SLC17A1: variants seen among roughly 807,000 people sequenced by gnomAD.
SLC17A1 encodes the protein sodium-dependent phosphate transport protein 1.
SLC17A1 carries 51 observed loss-of-function variants against 53.5 expected under a neutral mutation model. The ratio of observed to expected loss-of-function variants is 0.95; its 90% confidence interval spans 0.76 to 1.20. The LOEUF is 1.20. Ranked by LOEUF, SLC17A1 falls within the 50% of genes most tolerant of loss-of-function variation. The pLI, the probability that SLC17A1 is intolerant of heterozygous loss-of-function variation, is 0.00. For synonymous variants in SLC17A1, 179 were observed against 198.8 expected (o/e 0.90, Z 0.84); for missense variants, 538 against 568.2 (o/e 0.95, Z 0.54).
chr6:25,792,724 A>C (rs1183384949), intron 12 of SLC17A1, among the ~76,000 whole-genome samples: 4 of 152,174 alleles, frequency 2.6e-5, no homozygotes, highest in Non-Finnish European at 4.4e-5. Context: ...TGCTAAAGCC[A>C]AAATCTAGGT....
the SLC17A1 span, chr6:25,732,759 C>A: frequency 9.5e-7 from 1 of 1,053,134 alleles, no homozygotes; most frequent in Non-Finnish European, 1.4e-6. Flanking sequence ...GACGTTTTGC[C>A]CAACATCCAA....
At chr6:25,726,848 T>A in the SLC17A1 span, 1 of 1,543,914 alleles carries the variant, frequency 6.5e-7, no homozygotes, top group South Asian at 1.3e-5. Context: ...TGTTGAGCAC[T>A]GGAAAGTGCT....
intron 10 of SLC17A1, among the ~76,000 whole-genome samples, chr6:25,802,362 G>T (rs1763805038): frequency 6.6e-6 from 1 of 151,898 alleles, no homozygotes; most frequent in Admixed American, 6.6e-5. Flanking sequence ...ATATCACATA[G>T]GGTATTATTG....
chr6:25,749,490 C>A, the SLC17A1 span, among the ~76,000 whole-genome samples: 17 of 141,432 alleles, frequency 1.2e-4, no homozygotes, highest in African/African-American at 1.7e-4. Context: ...GGAGACAAAA[C>A]CTAAAAAAAT....
chr6:25,733,235 A>G, the SLC17A1 span, among the ~76,000 whole-genome samples: 1 of 152,206 alleles, frequency 6.6e-6, no homozygotes. Context: ...GTGACAACCT[A>G]TGTAATTCCT....
At chr6:25,727,008 A>T in the SLC17A1 span, 1 of 1,614,186 alleles carries the variant, frequency 6.2e-7, no homozygotes. Context: ...GCGCAAGAGG[A>T]CCCGTAAGGA....
the SLC17A1 span, chr6:25,726,573 C>T: frequency 2.0e-5 from 32 of 1,569,080 alleles, no homozygotes; most frequent in Middle Eastern, 1.7e-4. Context: ...ATTTCTAGGG[C>T]TGCTACTGGG....
At chr6:25,776,894 G>C in the SLC17A1 span, 2 of 1,613,914 alleles carry the variant, frequency 1.2e-6, no homozygotes, top group Non-Finnish European at 1.7e-6. Context: ...TCTTGGTGCT[G>C]TCTTCTGCCA....
the SLC17A1 span, among the ~76,000 whole-genome samples, chr6:25,765,876 A>G: frequency 2.6e-5 from 4 of 152,136 alleles, no homozygotes; most frequent in Admixed American, 1.3e-4. Context: ...TTAAAAATAC[A>G]TACAAGAGCT....
the SLC17A1 span, chr6:25,776,744 A>T: frequency 6.2e-7 from 1 of 1,613,938 alleles, no homozygotes. Flanking sequence ...GAGAGACTGG[A>T]CACAGGGGTG....
In SLC17A1 at chr6:25,802,935, C is replaced by CTT. The variant is rs34669145; in HGVS notation, c.1179-1957_1179-1956dup. ...ATGACGTTTTAACGACTATCTTCTT[C>CTT]TTTTTTTTTTTTTTTTTTTTTTTTT... On this transcript the variant is annotated intron_variant, in intron 10 of 12. Coordinates refer to ENST00000244527, the MANE Select transcript of SLC17A1 (RefSeq NM_005074.5). 8.1e-3 allele frequency among the ~76,000 whole-genome samples: 375 copies of CTT among 46,130 alleles called. 67 individuals are homozygous for CTT. Among genetic ancestry groups the CTT allele is most frequent in the East Asian group, 0.014 (16 of 1,132 alleles). The allele number at this position is 46,130 out of a possible 152,430, so 30.3% of individuals were successfully genotyped here.
chr6:25,729,617 T>A, the SLC17A1 span, among the ~76,000 whole-genome samples: 1 of 152,246 alleles, frequency 6.6e-6, no homozygotes, highest in African/African-American at 2.4e-5. Context: ...CATATATATT[T>A]GGCATTTTAA....
chr6:25,756,199 C>A, the SLC17A1 span, among the ~76,000 whole-genome samples: 3 of 152,098 alleles, frequency 2.0e-5, no homozygotes, highest in African/African-American at 7.2e-5. Flanking sequence ...CCTGCCCACC[C>A]CTTTGATCTC....
intron 3 of SLC17A1, among the ~76,000 whole-genome samples, chr6:25,824,983 A>G (rs917348750): frequency 6.6e-6 from 1 of 151,836 alleles, no homozygotes; most frequent in African/African-American, 2.4e-5. Flanking sequence ...GGTTATCTTC[A>G]TTGCTATAAA....
At chr6:25,830,646 AGAGGCAACT>A in intron 1 of SLC17A1, 39 bp from the exon 2 acceptor site, 1 of 1,437,010 alleles carries the variant, frequency 7.0e-7, no homozygotes, top group Non-Finnish European at 9.8e-7. Context: ...CATAATGTAG[AGAGGCAACT>A]GACCAAACAC....
intron 10 of SLC17A1, among the ~76,000 whole-genome samples, chr6:25,808,681 T>C (rs1353679428): frequency 6.6e-6 from 1 of 151,962 alleles, no homozygotes; most frequent in Non-Finnish European, 1.5e-5. Flanking sequence ...CTCAGAGTAG[T>C]GCAAATTAAA....
chr6:25,821,940 A>G (rs548477846), intron 3 of SLC17A1, among the ~76,000 whole-genome samples: 1 of 152,364 alleles, frequency 6.6e-6, no homozygotes, highest in South Asian at 2.1e-4. Context: ...ATAATTTATA[A>G]GAGAACAAAA....
At chr6:25,817,109 A>G (rs988497193) in intron 6 of SLC17A1, among the ~76,000 whole-genome samples, 3 of 151,224 alleles carry the variant, frequency 2.0e-5, no homozygotes, top group Non-Finnish European at 2.9e-5. Flanking sequence ...TCAGCAACCC[A>G]AAGTGCTGGG....
the SLC17A1 span, among the ~76,000 whole-genome samples, chr6:25,750,805 AT>A: frequency 4.6e-5 from 7 of 152,114 alleles, no homozygotes; most frequent in African/African-American, 1.4e-4. Context: ...GGGGTGTCGT[AT>A]TTTAAAAAAA....
Sources: allele counts gnomAD v4.1 joint callset (sites outside exome capture counted in the v4.1 genomes callset), GRCh38; gene constraint gnomAD v4.1.1; transcripts MANE v1.5; gene names NCBI Gene and HGNC (gene_info 2026-07-23, HGNC 2026-07-21).